The following VTCN1 variants were observed in gnomAD, a reference collection of about 807,000 sequenced individuals.
VTCN1 encodes V-set domain containing T cell activation inhibitor 1.
Under a neutral mutation model 26.5 loss-of-function variants are expected in VTCN1, and 26 were observed. That is an observed-to-expected ratio of 0.98 (90% confidence interval 0.72 to 1.36). The LOEUF (loss-of-function observed/expected upper bound fraction) is 1.36. VTCN1 is among the 40% of genes most tolerant of loss of function. VTCN1 has a pLI of 0.00. For synonymous variants in VTCN1, 116 were observed against 130.7 expected, an observed-to-expected ratio of 0.89 and a Z score of 0.77; for missense variants, 298 against 337.7, an observed-to-expected ratio of 0.88 and a Z score of 0.92.
chr1:117,193,895 T>C (rs77976259), intron 1 of VTCN1, among the ~76,000 whole-genome samples: 2,930 of 152,200 alleles, frequency 0.019, 120 homozygotes, highest in East Asian at 0.18. Context: ...AGACTAAATA[T>C]AAGACTCAAA....
intron 2 of VTCN1, among the ~76,000 whole-genome samples, chr1:117,168,005 A>G (rs1652703035): frequency 6.6e-6 from 1 of 151,682 alleles, no homozygotes. Context: ...AGAAAGAGAG[A>G]AAAAAAACCG....
intron 2 of VTCN1, among the ~76,000 whole-genome samples, chr1:117,165,954 A>G (rs937712526): frequency 5.3e-5 from 8 of 152,248 alleles, no homozygotes; most frequent in Admixed American, 3.9e-4. Flanking sequence ...AAACAGTATT[A>G]AACTAACAAA....
chr1:117,210,183 A>C (rs557929693), intron 1 of VTCN1, among the ~76,000 whole-genome samples: 1 of 151,858 alleles, frequency 6.6e-6, no homozygotes, highest in African/African-American at 2.4e-5. Context: ...AGGGGAGGGA[A>C]CTTGCTTCCT....
chr1:117,189,406 G>T (rs1448705078), intron 1 of VTCN1, among the ~76,000 whole-genome samples: 2 of 152,160 alleles, frequency 1.3e-5, no homozygotes, highest in Non-Finnish European at 2.9e-5. Flanking sequence ...ATTTTCATGA[G>T]AAGTTGGGTA....
In VTCN1 at chr1:117,143,700, G is replaced by A. The variant is rs1315711744; in HGVS notation, c.*1571C>T. 6.6e-6 allele frequency: 1 copy of A among 152,142 alleles called. No homozygotes were observed. Among genetic ancestry groups the A allele is most frequent in the African/African-American group, 2.4e-5 (1 of 41,404 alleles). The allele number at this position is 152,142 out of a possible 1,614,324, so 9.4% of individuals were successfully genotyped here. A position where few individuals can be genotyped will look rare whatever the true frequency, so the allele number is the denominator to read the frequency against. ...TGGCTCCAAGGTCCAGGAAGGCAGT[G>A]GTTAACACATGAAGAGTGTGGGAAG... On this transcript the variant is annotated 3_prime_UTR_variant, in exon 6 of 6. Coordinates refer to ENST00000369458, the MANE Select transcript of VTCN1 (RefSeq NM_024626.4).
At chr1:117,173,176 G>T (rs1359233942) in intron 1 of VTCN1, 4 of 716,556 alleles carry the variant, frequency 5.6e-6, no homozygotes, top group Non-Finnish European at 1.0e-5. Flanking sequence ...TTTAAGAGCT[G>T]TAACACTCAC....
At chr1:117,174,338 G>T (rs1019130738) in intron 1 of VTCN1, among the ~76,000 whole-genome samples, 39 of 152,202 alleles carry the variant, frequency 2.6e-4, no homozygotes, top group African/African-American at 9.2e-4. Context: ...AAGACATAGT[G>T]CTAGTCAATA....
chr1:117,172,770 T>C (rs1652987615), intron 1 of VTCN1, among the ~76,000 whole-genome samples: 1 of 151,130 alleles, frequency 6.6e-6, no homozygotes, highest in East Asian at 2.0e-4. Flanking sequence ...CTTGGAAAAC[T>C]TTTCTGTCTG....
chr1:117,188,591 C>G (rs1648080176), intron 1 of VTCN1, among the ~76,000 whole-genome samples: 1 of 152,162 alleles, frequency 6.6e-6, no homozygotes, highest in Non-Finnish European at 1.5e-5. Flanking sequence ...ATCAATTCAC[C>G]AATCACATTT....
intron 1 of VTCN1, among the ~76,000 whole-genome samples, chr1:117,185,470 C>T (rs1045944434): frequency 4.6e-5 from 7 of 152,116 alleles, no homozygotes; most frequent in African/African-American, 9.7e-5. Flanking sequence ...AAATTCTGAG[C>T]CCCCCAACCA....
chr1:117,207,623 C>T lies in VTCN1; in HGVS notation c.32+3201G>A, dbSNP rs80266036. Among the ~76,000 whole-genome samples the T allele has an allele frequency of 5.3e-4, 81 of 152,280 alleles. 3 individuals are homozygous for T. In the East Asian group the frequency reaches 0.013, roughly 24 times the overall value. ...GCCTGACCTCTCCTAGTTTTAGCCT[C>T]ATGCCCTCTGCTGCCCAGGGAGCAT... On this transcript the variant is annotated intron_variant, in intron 1 of 5. Transcript: ENST00000369458.
chr1:117,164,262 C>T (rs1257754899), intron 2 of VTCN1, among the ~76,000 whole-genome samples: 1 of 152,036 alleles, frequency 6.6e-6, no homozygotes, highest in African/African-American at 2.4e-5. Flanking sequence ...CCCAGGAGTG[C>T]CCTGTATGTA....
chr1:117,162,825 G>A (rs965385986), intron 2 of VTCN1, among the ~76,000 whole-genome samples: 15 of 152,192 alleles, frequency 9.9e-5, no homozygotes, highest in African/African-American at 3.6e-4. Flanking sequence ...GGAATATCTT[G>A]AAGTGGGGGT....
At chr1:117,179,261 GT>G (rs991522188) in intron 1 of VTCN1, among the ~76,000 whole-genome samples, 8 of 152,180 alleles carry the variant, frequency 5.3e-5, no homozygotes, top group African/African-American at 1.7e-4. Context: ...TACCCTTGCT[GT>G]GTCGACCAAA....
chr1:117,192,216 T>C (rs753259807), intron 1 of VTCN1, among the ~76,000 whole-genome samples: 6 of 152,052 alleles, frequency 3.9e-5, no homozygotes, highest in Non-Finnish European at 7.4e-5. Context: ...AGCAGAAGTC[T>C]TACAGGCCAG....
intron 1 of VTCN1, among the ~76,000 whole-genome samples, chr1:117,173,566 C>G (rs985539610): frequency 4.6e-5 from 7 of 152,192 alleles, no homozygotes; most frequent in Non-Finnish European, 1.0e-4. Flanking sequence ...AGAGATAATA[C>G]ATTTCCATTT....
intron 1 of VTCN1, among the ~76,000 whole-genome samples, chr1:117,191,291 T>G (rs967549388): frequency 6.6e-6 from 1 of 152,184 alleles, no homozygotes; most frequent in Admixed American, 6.5e-5. Flanking sequence ...CACCATCAAG[T>G]GATCAAATAT....
At chr1:117,195,744 A>G (rs1438998355) in intron 1 of VTCN1, among the ~76,000 whole-genome samples, 1 of 152,222 alleles carries the variant, frequency 6.6e-6, no homozygotes, top group African/African-American at 2.4e-5. Flanking sequence ...CACATATATC[A>G]GAAGGCTTAT....
Position 117,159,876 on chromosome 1 carries a change from C to T in VTCN1, c.98-2955G>A, listed in dbSNP as rs573864012. ...GTTGATTTTTGGTTTAAAATGAAAGCCACCCTCTCCTCTACTGACATACCA... is the reference window on the plus strand; with the variant it reads ...GTTGATTTTTGGTTTAAAATGAAAGTCACCCTCTCCTCTACTGACATACCA... On this transcript the variant is annotated intron_variant, in intron 2 of 5. Transcript: ENST00000369458. This position sits in a 1 kb window ranked among gnomAD's most constrained non-coding sequence, Gnocchi z 4.7. 3.3e-5 allele frequency among the ~76,000 whole-genome samples: 5 copies of T among 152,280 alleles called. No individual in the cohort carries two copies. The highest frequency in any genetic ancestry group is 4.4e-5 in the Non-Finnish European group (3 of 68,030).
Sources: gnomAD v4.1 joint callset for allele counts (sites outside exome capture counted in the v4.1 genomes callset) on GRCh38, gnomAD v4.1.1 for gene constraint, Gnocchi (gnomAD v3.1) non-coding constraint, MANE v1.5 for transcripts, NCBI Gene and HGNC (gene_info 2026-07-23, HGNC 2026-07-21) for gene names.